Variants in ZNF484 observed in about 807,000 individuals in gnomAD.
The protein encoded by ZNF484 is zinc finger protein 484.
In ZNF484, 11 loss-of-function variants were observed where a neutral mutation model predicts 12.9. That is an observed-to-expected ratio of 0.85 (90% CI 0.54 to 1.41). ZNF484 has a LOEUF of 1.41. ZNF484 is among the 40% of genes most tolerant of loss of function. The probability of loss-of-function intolerance (pLI) is 0.00; values close to 1 mark genes in which losing one functional copy is unlikely to be tolerated. For synonymous variants in ZNF484, 289 were observed against 334.1 expected, an observed-to-expected ratio of 0.86 and a Z score of 1.47; for missense variants, 807 against 1,007.7, an observed-to-expected ratio of 0.80 and a Z score of 2.70.
At chr9:92,855,674 C>A (rs1856390793) in intron 4 of ZNF484, 137 bp downstream of exon 4, 1 of 696,446 alleles carries the variant, frequency 1.4e-6, no homozygotes, top group Non-Finnish European at 2.4e-6. Flanking sequence ...GGGTCCTTGT[C>A]TAATAACTGC....
intron 2 of ZNF484, among the ~76,000 whole-genome samples, chr9:92,857,419 T>C (rs1278120883): frequency 2.0e-5 from 3 of 152,034 alleles, no homozygotes; most frequent in Non-Finnish European, 4.4e-5. Flanking sequence ...CCAACATAAC[T>C]CAAACACATG....
intron 2 of ZNF484, among the ~76,000 whole-genome samples, chr9:92,862,979 T>C (rs1423063374): frequency 6.6e-6 from 1 of 152,132 alleles, no homozygotes; most frequent in African/African-American, 2.4e-5. Context: ...ATGTTCATTG[T>C]GGCACTATTC....
intron 1 of ZNF484, among the ~76,000 whole-genome samples, chr9:92,876,395 G>C (rs1481964587): frequency 6.6e-6 from 1 of 152,102 alleles, no homozygotes; most frequent in Non-Finnish European, 1.5e-5. Context: ...ACTAAACTGA[G>C]ATGTAAAATT....
In ZNF484 at chr9:92,844,487, A is replaced by C. The variant is rs548634433; in HGVS notation, c.*1741T>G. On this transcript the variant is annotated 3_prime_UTR_variant, in exon 5 of 5. Transcript: ENST00000375495. ...AACATTATAAACTCCAAGGAGGATA[A>C]ATACATGGAAAAATTACACCTAGGC... is the stretch of plus-strand genomic sequence containing the variant. Among the ~76,000 whole-genome samples, 3 of 152,354 alleles carry C rather than the reference A, an allele frequency of 2.0e-5. No individual in the cohort carries two copies. The highest frequency in any genetic ancestry group is 7.2e-5 in the African/African-American group (3 of 41,590).
At chr9:92,864,698 T>G (rs1856966753) in intron 2 of ZNF484, among the ~76,000 whole-genome samples, 1 of 152,186 alleles carries the variant, frequency 6.6e-6, no homozygotes, top group Non-Finnish European at 1.5e-5. Flanking sequence ...ATTCATATTT[T>G]GAATGACAAT....
intron 4 of ZNF484, among the ~76,000 whole-genome samples, chr9:92,850,546 T>A (rs1333389885): frequency 6.6e-6 from 1 of 152,198 alleles, no homozygotes; most frequent in African/African-American, 2.4e-5. Flanking sequence ...CATTTATCTG[T>A]GTTTTCCTTG....
intron 2 of ZNF484, among the ~76,000 whole-genome samples, chr9:92,859,668 C>T (rs1856664939): frequency 6.6e-6 from 1 of 152,196 alleles, no homozygotes; most frequent in Non-Finnish European, 1.5e-5. Context: ...AGGGATTTCC[C>T]AGGATCACCT....
chr9:92,865,815 A>C (rs1857036522), intron 2 of ZNF484, among the ~76,000 whole-genome samples: 1 of 152,202 alleles, frequency 6.6e-6, no homozygotes, highest in Non-Finnish European at 1.5e-5. Flanking sequence ...AGGCAGGGGA[A>C]GCAGGATCAC....
intron 4 of ZNF484, among the ~76,000 whole-genome samples, chr9:92,852,072 C>T (rs946256989): frequency 2.6e-5 from 4 of 152,186 alleles, no homozygotes; most frequent in Admixed American, 2.0e-4. Flanking sequence ...TAGAGCAAAA[C>T]GACCTCCTCT....
rs573370470 is a variant in ZNF484, at chr9:92,876,310, G to A, written c.-30-1251C>T. ...CAATCCAATGAAAATATTATGTAAAGAAAAGGCAGAAAATAAAAAGAGCTA... is the reference window on the plus strand; with the variant it reads ...CAATCCAATGAAAATATTATGTAAAAAAAAGGCAGAAAATAAAAAGAGCTA... On this transcript the variant is annotated intron_variant, in intron 1 of 4. Coordinates refer to ENST00000375495, the MANE Select transcript of ZNF484 (RefSeq NM_031486.4). Among the ~76,000 whole-genome samples the A allele has an allele frequency of 2.6e-5, 4 of 151,954 alleles. No individual in the cohort carries two copies. The South Asian group carries it at 8.3e-4, about 32-fold the overall frequency.
chr9:92,851,616 G>A (rs1856088545), intron 4 of ZNF484, among the ~76,000 whole-genome samples: 1 of 152,192 alleles, frequency 6.6e-6, no homozygotes, highest in Non-Finnish European at 1.5e-5. Flanking sequence ...TCCCTGAACG[G>A]CCATGGAAAC....
intron 2 of ZNF484, among the ~76,000 whole-genome samples, chr9:92,858,307 A>G (rs1236797874): frequency 6.6e-6 from 1 of 152,244 alleles, no homozygotes; most frequent in Non-Finnish European, 1.5e-5. Context: ...AATGGAAGAC[A>G]AGTAAATAGA....
chr9:92,868,523 T>C (rs1028341618), intron 2 of ZNF484, among the ~76,000 whole-genome samples: 2 of 152,176 alleles, frequency 1.3e-5, no homozygotes, highest in Non-Finnish European at 2.9e-5. Context: ...TGAGCCTGGG[T>C]AATTTATAAA....
At position 92,846,147 on chromosome 9, in the gene ZNF484, A is replaced by G; in HGVS notation, c.*81T>C. 1 of 1,449,506 alleles carries G rather than the reference A, an allele frequency of 6.9e-7. No homozygotes were observed. The highest frequency in any genetic ancestry group is 1.8e-4 in the Middle Eastern group (1 of 5,462). 89.8% of individuals were successfully genotyped at this position (1,449,506 alleles called of 1,614,324 possible). On this transcript the variant is annotated 3_prime_UTR_variant, in exon 5 of 5. Coordinates refer to ENST00000375495, the MANE Select transcript of ZNF484 (RefSeq NM_031486.4). ...AAGTAACCAAAGATGGCCACTATAC[A>G]TTGCTTAAACACTCTCAAAAGTGTC...
At chr9:92,872,240 A>C (rs1857484320) in intron 2 of ZNF484, among the ~76,000 whole-genome samples, 1 of 57,882 alleles carries the variant, frequency 1.7e-5, no homozygotes, top group Non-Finnish European at 3.4e-5. Context: ...TCAAAAAAAA[A>C]AAAAAAAAAA....
At chr9:92,859,727 G>A (rs538303275) in intron 2 of ZNF484, among the ~76,000 whole-genome samples, 4 of 152,272 alleles carry the variant, frequency 2.6e-5, no homozygotes, top group Admixed American at 1.3e-4. Flanking sequence ...ACCACCCTCA[G>A]GTTCCACAAT....
intron 2 of ZNF484, among the ~76,000 whole-genome samples, chr9:92,870,884 A>G (rs1379876134): frequency 6.6e-6 from 1 of 152,216 alleles, no homozygotes; most frequent in Non-Finnish European, 1.5e-5. Flanking sequence ...GACTGTCAAC[A>G]GAGTTCAAGT....
chr9:92,849,650 G>A (rs979011293), intron 4 of ZNF484, among the ~76,000 whole-genome samples: 1 of 152,016 alleles, frequency 6.6e-6, no homozygotes, highest in African/African-American at 2.4e-5. Context: ...AATTAGCTGG[G>A]CCTAGTGGCA....
At chr9:92,870,048 C>G (rs1380567866) in intron 2 of ZNF484, among the ~76,000 whole-genome samples, 1 of 152,224 alleles carries the variant, frequency 6.6e-6, no homozygotes, top group African/African-American at 2.4e-5. Flanking sequence ...TGGAAAGATA[C>G]AGTAGATGCA....
Sources: allele counts gnomAD v4.1 joint callset (sites outside exome capture counted in the v4.1 genomes callset), GRCh38; gene constraint gnomAD v4.1.1; transcripts MANE v1.5; gene names NCBI Gene and HGNC (gene_info 2026-07-23, HGNC 2026-07-21).